CCDC73: variants seen among roughly 807,000 people sequenced by gnomAD.
CCDC73 encodes the protein coiled-coil domain containing 73.
CCDC73 carries 95 observed loss-of-function variants against 116.5 expected under a neutral mutation model. That is an observed-to-expected ratio of 0.82 (90% CI 0.69 to 0.97). CCDC73 has a LOEUF of 0.97. Among genes scored for constraint, CCDC73 ranks in the 50% least tolerant of loss-of-function variants. The pLI, the probability that CCDC73 is intolerant of heterozygous loss-of-function variation, is 0.00. For synonymous variants in CCDC73, 398 were observed against 401.3 expected (o/e 0.99, Z 0.10); for missense variants, 1,066 against 1,206.8 (o/e 0.88, Z 1.73).
chr11:32,767,980 C>A (rs1850458066), intron 1 of CCDC73, among the ~76,000 whole-genome samples: 1 of 152,092 alleles, frequency 6.6e-6, no homozygotes, highest in Admixed American at 6.6e-5. Context: ...GGGTATATAC[C>A]CAAAGGATTA....
chr11:32,697,042 C>T (rs1856317700), intron 6 of CCDC73, among the ~76,000 whole-genome samples: 1 of 151,726 alleles, frequency 6.6e-6, no homozygotes, highest in South Asian at 2.1e-4. Flanking sequence ...CCTATGTTGC[C>T]CAGGCTGGTC....
At chr11:32,630,884 G>T (rs12362103) in intron 14 of CCDC73, among the ~76,000 whole-genome samples, 8,007 of 152,038 alleles carry the variant, frequency 0.053, 368 homozygotes, top group Non-Finnish European at 0.076. Flanking sequence ...AGATGAAAAA[G>T]ATATATAATA....
At chr11:32,753,786 A>AT (rs1169502771) in intron 2 of CCDC73, among the ~76,000 whole-genome samples, 2 of 151,774 alleles carry the variant, frequency 1.3e-5, no homozygotes, top group Non-Finnish European at 2.9e-5. Flanking sequence ...ATTTCTTAAG[A>AT]TTTTTTGTTG....
intron 7 of CCDC73, among the ~76,000 whole-genome samples, chr11:32,677,883 CAG>C (rs1247218556): frequency 3.7e-5 from 5 of 135,446 alleles, no homozygotes; most frequent in African/African-American, 1.4e-4. Flanking sequence ...ACCCAGGAGG[CAG>C]AGGTTGCAGT....
intron 13 of CCDC73, among the ~76,000 whole-genome samples, chr11:32,637,966 A>T (rs1475738480): frequency 6.6e-6 from 1 of 152,242 alleles, no homozygotes; most frequent in African/African-American, 2.4e-5. Flanking sequence ...CATTATTTTC[A>T]TCCACAAAAT....
chr11:32,729,100 T>C (rs949358123), intron 2 of CCDC73, among the ~76,000 whole-genome samples: 1 of 152,140 alleles, frequency 6.6e-6, no homozygotes, highest in Non-Finnish European at 1.5e-5. Flanking sequence ...GATGGTTTGC[T>C]GCACAGATCA....
At chr11:32,808,506 G>T in the CCDC73 span, among the ~76,000 whole-genome samples, 1 of 152,324 alleles carries the variant, frequency 6.6e-6, no homozygotes, top group Admixed American at 6.5e-5. Context: ...AGGCGTGGTG[G>T]CATGTGCCTG....
chr11:32,700,336 G>A (rs1437979929), intron 5 of CCDC73, among the ~76,000 whole-genome samples: 3 of 152,174 alleles, frequency 2.0e-5, no homozygotes, highest in Non-Finnish European at 2.9e-5. Flanking sequence ...AAATTTCTAG[G>A]TTTGTTGGAG....
intron 1 of CCDC73, among the ~76,000 whole-genome samples, chr11:32,765,958 GA>G (rs1370426121): frequency 6.6e-6 from 1 of 152,178 alleles, no homozygotes; most frequent in Non-Finnish European, 1.5e-5. Flanking sequence ...CTCATTTTAT[GA>G]GGCCAGCATC....
At chr11:32,787,309 G>T (rs541247344) in intron 1 of CCDC73, among the ~76,000 whole-genome samples, 7 of 152,260 alleles carry the variant, frequency 4.6e-5, no homozygotes, top group Non-Finnish European at 7.4e-5. Flanking sequence ...GAATGCATGT[G>T]TACATAAAAT....
intron 1 of CCDC73, among the ~76,000 whole-genome samples, chr11:32,783,806 C>A (rs1034631782): frequency 6.6e-6 from 1 of 152,078 alleles, no homozygotes; most frequent in African/African-American, 2.4e-5. Flanking sequence ...CTATAGCAAT[C>A]TTGCATAGGC....
chr11:32,699,820 G>GTA (rs1466740434), intron 5 of CCDC73, among the ~76,000 whole-genome samples: 3 of 151,242 alleles, frequency 2.0e-5, no homozygotes, highest in Non-Finnish European at 4.4e-5. Flanking sequence ...CATGGCACAT[G>GTA]TATATATATG....
the CCDC73 span, among the ~76,000 whole-genome samples, chr11:32,807,101 T>G: frequency 1.3e-5 from 2 of 152,168 alleles, no homozygotes; most frequent in Non-Finnish European, 2.9e-5. Flanking sequence ...GTCAGCTGTT[T>G]GATTGATCAC....
At position 32,734,206 on chromosome 11, in the gene CCDC73, C is replaced by T. The variant is rs180803466; in HGVS notation, c.136-16059G>A. Among the ~76,000 whole-genome samples the T allele has an allele frequency of 3.7e-4, 56 of 152,216 alleles. No individual in the cohort carries two copies. The East Asian group carries it at 0.01, about 28-fold the overall frequency. ...ATAAATTCCTGGACACATACACCCT[C>T]CCAAGACTAAACGAGGAAGAAATTG... On this transcript the variant is annotated intron_variant, in intron 2 of 17. Transcript: ENST00000335185.
upstream of CCDC73, among the ~76,000 whole-genome samples, chr11:32,797,301 G>C (rs1850734213): frequency 1.3e-5 from 2 of 152,128 alleles, no homozygotes; most frequent in Admixed American, 1.3e-4. Flanking sequence ...GACAGAGAGA[G>C]ACCTTGTCTC....
the CCDC73 span, among the ~76,000 whole-genome samples, chr11:32,813,195 C>T: frequency 2.0e-5 from 3 of 152,214 alleles, no homozygotes; most frequent in South Asian, 2.1e-4. Context: ...GAAAAAATAT[C>T]ATTTATCAAT....
intron 14 of CCDC73, among the ~76,000 whole-genome samples, chr11:32,622,673 GA>G (rs35050125): frequency 0.76 from 87,628 of 116,044 alleles, 30,993 homozygotes; most frequent in Non-Finnish European, 0.77. Context: ...AAATAAAATT[GA>G]AAAAAAAAAA....
At chr11:32,673,062 AAACTC>A (rs1412204070) in intron 9 of CCDC73, among the ~76,000 whole-genome samples, 1 of 152,234 alleles carries the variant, frequency 6.6e-6, no homozygotes, top group Admixed American at 6.5e-5. Context: ...AGAACTCTTA[AAACTC>A]AACAATAAGA....
chr11:32,662,667 G>A (rs1677432045), intron 9 of CCDC73, among the ~76,000 whole-genome samples: 2 of 151,938 alleles, frequency 1.3e-5, no homozygotes, highest in Non-Finnish European at 2.9e-5. Context: ...AGTTTCTTTT[G>A]GTGCGCAGAA....
Sources: allele counts gnomAD v4.1 joint callset (sites outside exome capture counted in the v4.1 genomes callset), GRCh38; gene constraint gnomAD v4.1.1; transcripts MANE v1.5; gene names NCBI Gene and HGNC (gene_info 2026-07-23, HGNC 2026-07-21).